PLCXD2: variants seen among roughly 807,000 people sequenced by gnomAD.
The protein encoded by PLCXD2 is phosphatidylinositol specific phospholipase C X domain containing 2, also known as PI-PLC X domain-containing protein 2.
Under a neutral mutation model 28.6 loss-of-function variants are expected in PLCXD2, and 21 were observed. The observed-to-expected ratio is 0.73, with a 90% confidence interval of 0.52 to 1.06. The LOEUF is 1.06. Ranked by LOEUF, PLCXD2 falls within the 50% of genes least tolerant of loss-of-function variation. The pLI is 0.00. For synonymous variants in PLCXD2, 140 were observed against 150.1 expected (o/e 0.93, Z 0.49); for missense variants, 369 against 376.7 (o/e 0.98, Z 0.17).
intron 1 of PLCXD2, among the ~76,000 whole-genome samples, chr3:111,689,653 T>C (rs1237503066): frequency 6.6e-6 from 1 of 152,200 alleles, no homozygotes; most frequent in Non-Finnish European, 1.5e-5. Flanking sequence ...TTCTGTATAC[T>C]TGCTGTCTTG....
chr3:111,688,493 C>G (rs748616021), intron 1 of PLCXD2, among the ~76,000 whole-genome samples: 2 of 152,214 alleles, frequency 1.3e-5, no homozygotes, highest in African/African-American at 2.4e-5. Context: ...ACCAGGGAAG[C>G]TCACCTGAGC....
intron 3 of PLCXD2, chr3:111,721,511 A>G (rs1435795415): frequency 6.6e-6 from 1 of 152,190 alleles, no homozygotes; most frequent in Non-Finnish European, 1.5e-5. Context: ...TTCTTCAGAT[A>G]AACAGTGCAT....
chr3:111,706,350 G>C (rs1941117979), intron 1 of PLCXD2, among the ~76,000 whole-genome samples: 2 of 152,024 alleles, frequency 1.3e-5, no homozygotes. Context: ...TGTTTCCTTT[G>C]CTAGGGTGGA....
chr3:111,714,790 G>A (rs1238385853), intron 3 of PLCXD2, among the ~76,000 whole-genome samples: 1 of 152,174 alleles, frequency 6.6e-6, no homozygotes, highest in Non-Finnish European at 1.5e-5. Flanking sequence ...ACATATATGT[G>A]AGTGTGTGTA....
intron 3 of PLCXD2, among the ~76,000 whole-genome samples, chr3:111,717,975 G>T (rs1576465045): frequency 6.9e-6 from 1 of 145,642 alleles, no homozygotes; most frequent in East Asian, 2.0e-4. Flanking sequence ...CACTCTTCCA[G>T]TTATGATTCC....
At chr3:111,699,246 G>A (rs1261150397) in intron 1 of PLCXD2, among the ~76,000 whole-genome samples, 1 of 152,186 alleles carries the variant, frequency 6.6e-6, no homozygotes, top group African/African-American at 2.4e-5. Flanking sequence ...ATGGCTACAA[G>A]TGTGGTCATC....
At chr3:111,704,226 A>G (rs528750367) in intron 1 of PLCXD2, among the ~76,000 whole-genome samples, 1 of 151,668 alleles carries the variant, frequency 6.6e-6, no homozygotes, top group South Asian at 2.1e-4. Context: ...GAACAAGGTT[A>G]GTAGTGCCAA....
chr3:111,706,070 G>A (rs1328133367), intron 1 of PLCXD2, among the ~76,000 whole-genome samples: 1 of 152,030 alleles, frequency 6.6e-6, no homozygotes, highest in Non-Finnish European at 1.5e-5. Context: ...TGTTGCCTAG[G>A]CTGGTCTCAA....
chr3:111,701,267 A>G lies in PLCXD2; in HGVS notation c.164-6659A>G, dbSNP rs1055996101. Among the ~76,000 whole-genome samples the G allele has an allele frequency of 2.0e-5, 3 of 152,328 alleles. No individual in the cohort carries two copies. In the South Asian group the frequency reaches 6.2e-4, roughly 32 times the overall value. On this transcript the variant is annotated intron_variant, in intron 1 of 4. Transcript: ENST00000477665. ...CAATAATTTTGTGACAATAGGTACT[A>G]TTGGCCCATTTGACAGATGAGGAAA...
intron 3 of PLCXD2, chr3:111,726,126 C>T: frequency 2.7e-6 from 1 of 366,894 alleles, no homozygotes; most frequent in Non-Finnish European, 4.8e-6. Context: ...AACATTAAGC[C>T]CAACAAGAAG....
At chr3:111,717,030 C>T (rs1380894330) in intron 3 of PLCXD2, among the ~76,000 whole-genome samples, 1 of 152,104 alleles carries the variant, frequency 6.6e-6, no homozygotes, top group African/African-American at 2.4e-5. Context: ...GGATGTCCAA[C>T]TTCTAAAACA....
Position 111,675,007 on chromosome 3 carries a change from T to G in PLCXD2, c.-239T>G. 2.1e-6 allele frequency: 1 copy of G among 484,998 alleles called. No homozygotes were observed. Among genetic ancestry groups the G allele is most frequent in the Non-Finnish European group, 3.6e-6 (1 of 275,632 alleles). The allele number at this position is 484,998 out of a possible 1,614,324, so 30.0% of individuals were successfully genotyped here. On this transcript the variant is annotated 5_prime_UTR_variant, in exon 1 of 5. Transcript: ENST00000477665. ...ATCTCCAGAGGGGAACATAAGAAGT[T>G]TAACGGAGCTGGGACTGAGCAGATT...
chr3:111,723,480 T>C (rs901449519), intron 3 of PLCXD2: 1 of 152,234 alleles, frequency 6.6e-6, no homozygotes, highest in Non-Finnish European at 1.5e-5. Context: ...TGTACCAAGG[T>C]TGCATGCACG....
At chr3:111,689,031 G>A (rs995735230) in intron 1 of PLCXD2, among the ~76,000 whole-genome samples, 2 of 151,936 alleles carry the variant, frequency 1.3e-5, no homozygotes, top group African/African-American at 2.4e-5. Context: ...ATATACAAGA[G>A]TTCAAATAAA....
At position 111,689,426 on chromosome 3, in the gene PLCXD2, A is replaced by G. The variant is rs540241986; in HGVS notation, c.163+14018A>G. Among the ~76,000 whole-genome samples the G allele has an allele frequency of 1.8e-3, 278 of 152,336 alleles. 1 individual carries two copies. Among genetic ancestry groups the G allele is most frequent in the African/African-American group, 6.3e-3 (264 of 41,580 alleles). On this transcript the variant is annotated intron_variant, in intron 1 of 4. Transcript: ENST00000477665. ...TTTGTGTTGTAGACCATAGGGAGCCAGTGACAATTTTGGGCTTGAAGAAAA... is the reference window on the plus strand; with the variant it reads ...TTTGTGTTGTAGACCATAGGGAGCCGGTGACAATTTTGGGCTTGAAGAAAA...
At chr3:111,698,171 T>TAAC (rs1940989926) in intron 1 of PLCXD2, among the ~76,000 whole-genome samples, 1 of 152,216 alleles carries the variant, frequency 6.6e-6, no homozygotes, top group Non-Finnish European at 1.5e-5. Context: ...TTAATAATAA[T>TAAC]AACATGTTTG....
At chr3:111,696,858 T>A (rs1320395772) in intron 1 of PLCXD2, among the ~76,000 whole-genome samples, 1 of 152,220 alleles carries the variant, frequency 6.6e-6, no homozygotes, top group Non-Finnish European at 1.5e-5. Flanking sequence ...AAAATAATAT[T>A]TGTCTTTAAA....
chr3:111,713,794 C>A, intron 2 of PLCXD2, 93 bp from the exon 3 acceptor site: 1 of 1,353,976 alleles, frequency 7.4e-7, no homozygotes, highest in South Asian at 1.4e-5. Flanking sequence ...ATTATATTTT[C>A]TTGCCTTTTT....
intron 1 of PLCXD2, among the ~76,000 whole-genome samples, chr3:111,699,349 C>T (rs1279013790): frequency 1.3e-5 from 2 of 152,042 alleles, no homozygotes; most frequent in Admixed American, 1.3e-4. Flanking sequence ...AACCAGGTTC[C>T]CAAGAAGCCT....
Sources: gnomAD v4.1 joint callset for allele counts (sites outside exome capture counted in the v4.1 genomes callset) on GRCh38, gnomAD v4.1.1 for gene constraint, MANE v1.5 for transcripts, NCBI Gene and HGNC (gene_info 2026-07-23, HGNC 2026-07-21) for gene names.